C3orf20: variants seen among roughly 807,000 people sequenced by gnomAD.
The protein encoded by C3orf20 is uncharacterized protein C3orf20.
Under a neutral mutation model 88.3 loss-of-function variants are expected in C3orf20, and 76 were observed. That is an observed-to-expected ratio of 0.86 (90% CI 0.72 to 1.04). The LOEUF (loss-of-function observed/expected upper bound fraction) is 1.04, where lower values mean the gene tolerates loss of function less well. Ranked by LOEUF, C3orf20 falls within the 50% of genes least tolerant of loss-of-function variation. C3orf20 has a pLI of 0.00. For synonymous variants in C3orf20, 436 were observed against 437.4 expected (o/e 1.00, Z 0.04); for missense variants, 1,056 against 1,123.3 (o/e 0.94, Z 0.86).
chr3:14,730,766 A>T (rs2034519349), intron 12 of C3orf20, among the ~76,000 whole-genome samples: 2 of 152,164 alleles, frequency 1.3e-5, no homozygotes, highest in Non-Finnish European at 2.9e-5. Context: ...TCCCACCAGC[A>T]GTGTGTCTGA....
intron 5 of C3orf20, among the ~76,000 whole-genome samples, chr3:14,691,462 T>C (rs774787072): frequency 6.6e-6 from 1 of 152,208 alleles, no homozygotes; most frequent in Non-Finnish European, 1.5e-5. Context: ...GGGTGATGTC[T>C]TGAGCAAGGC....
In C3orf20 at chr3:14,701,037, G is replaced by C. The variant is rs1434714260; in HGVS notation, c.746-2093G>C. 1.3e-5 allele frequency among the ~76,000 whole-genome samples: 2 copies of C among 152,212 alleles called. No homozygotes were observed. Among genetic ancestry groups the C allele is most frequent in the African/African-American group, 4.8e-5 (2 of 41,452 alleles). On this transcript the variant is annotated intron_variant, in intron 5 of 16. Coordinates refer to ENST00000253697, the MANE Select transcript of C3orf20 (RefSeq NM_032137.5). The surrounding 1 kb of genome is among the most constrained non-coding windows in gnomAD (Gnocchi z 4.6). ...ATAGCAGTTCCTAGTCAGAGCAAGA[G>C]ACCGTCACCTTTGGGGAGCCCAAGG...
intron 12 of C3orf20, among the ~76,000 whole-genome samples, chr3:14,735,812 C>G (rs1392060509): frequency 6.6e-6 from 1 of 152,100 alleles, no homozygotes; most frequent in Non-Finnish European, 1.5e-5. Flanking sequence ...CCAGGCTGGT[C>G]TTGAACTCCT....
intron 7 of C3orf20, among the ~76,000 whole-genome samples, chr3:14,706,221 A>G (rs1350556491): frequency 6.6e-6 from 1 of 152,092 alleles, no homozygotes; most frequent in East Asian, 1.9e-4. Context: ...TGTTTCTCAG[A>G]CCGTATATGA....
intron 12 of C3orf20, among the ~76,000 whole-genome samples, chr3:14,751,742 G>A (rs2035225156): frequency 1.3e-5 from 2 of 152,036 alleles, no homozygotes; most frequent in Non-Finnish European, 2.9e-5. Flanking sequence ...TTACTACCAA[G>A]AGAATAAAAC....
chr3:14,675,746 G>A (rs1256690782), intron 1 of C3orf20, among the ~76,000 whole-genome samples: 1 of 151,922 alleles, frequency 6.6e-6, no homozygotes, highest in Non-Finnish European at 1.5e-5. Flanking sequence ...CTGCTGCCTA[G>A]GCTGGAGTGC....
chr3:14,770,297 T>C (rs1026721851), intron 15 of C3orf20, among the ~76,000 whole-genome samples: 2 of 152,160 alleles, frequency 1.3e-5, no homozygotes, highest in Non-Finnish European at 1.5e-5. Context: ...AGGCGTTAAT[T>C]TGCCACATGT....
At chr3:14,719,616 T>A (rs748583180) in intron 9 of C3orf20, among the ~76,000 whole-genome samples, 1 of 152,158 alleles carries the variant, frequency 6.6e-6, no homozygotes, top group Non-Finnish European at 1.5e-5. Context: ...ATAATGGATA[T>A]AATGGGCTGG....
chr3:14,690,425 C>T (rs554963720), intron 5 of C3orf20, among the ~76,000 whole-genome samples: 36 of 152,328 alleles, frequency 2.4e-4, no homozygotes, highest in African/African-American at 7.9e-4. Flanking sequence ...TCTTCTATCC[C>T]TACAGTATCC....
intron 13 of C3orf20, among the ~76,000 whole-genome samples, chr3:14,759,434 T>C (rs2035489671): frequency 6.6e-6 from 1 of 152,178 alleles, no homozygotes; most frequent in African/African-American, 2.4e-5. Context: ...TCCCTGGATA[T>C]AGTGACTGGG....
rs769712584 is a variant in C3orf20, at chr3:14,703,177, G to C, written c.793G>C (p.Gly265Arg). The C allele has an allele frequency of 1.4e-5, 23 of 1,614,186 alleles. No homozygotes were observed. Among genetic ancestry groups the C allele is most frequent in the Non-Finnish European group, 1.8e-5 (21 of 1,180,028 alleles). Reference sequence around the variant, plus strand: ...TGTCAGCATGCCGCCCCTGCATCGAGGAGTGGGAACCCCTGCCAACAGCCT... The same window carrying C: ...TGTCAGCATGCCGCCCCTGCATCGACGAGTGGGAACCCCTGCCAACAGCCT... ...EDVSMPPLHR[G>R]VGTPANSLEF... is the part of the protein sequence containing the mutation. The change falls in exon 6 of 17, where the codon GGA (glycine) becomes CGA (arginine). Residue 265 changes from glycine (G) to arginine (R), a missense_variant. Gly to Arg is a moderately radical substitution (Grantham distance 125). Transcript: ENST00000253697.
At chr3:14,704,781 G>C (rs917796742) in intron 7 of C3orf20, among the ~76,000 whole-genome samples, 163 bp downstream of exon 7, 1 of 152,182 alleles carries the variant, frequency 6.6e-6, no homozygotes, top group South Asian at 2.1e-4. Context: ...GACTCAGGAG[G>C]TCAGAGGAGG....
In C3orf20 at chr3:14,730,460, TG is replaced by T. The variant is rs368001938; in HGVS notation, c.1940+1774del. Reference sequence around the variant, plus strand: ...TACTCGGGAGGCTGAGGCAGGAGAATGGCGTGAACCCAGGAGGCGGAGCTTG... The same window carrying T: ...TACTCGGGAGGCTGAGGCAGGAGAATGCGTGAACCCAGGAGGCGGAGCTTG... On this transcript the variant is annotated intron_variant, in intron 12 of 16. Transcript: ENST00000253697. Among the ~76,000 whole-genome samples, 355 of 152,142 alleles carry T rather than the reference TG, an allele frequency of 2.3e-3. 17 individuals are homozygous for T. In the East Asian group the frequency reaches 0.062, roughly 26 times the overall value.
intron 12 of C3orf20, among the ~76,000 whole-genome samples, chr3:14,733,820 C>A (rs957702285): frequency 6.6e-6 from 1 of 152,052 alleles, no homozygotes; most frequent in Non-Finnish European, 1.5e-5. Context: ...TCCCGAGTAG[C>A]TGCAATTACA....
At chr3:14,719,373 G>C (rs1404431067) in intron 9 of C3orf20, among the ~76,000 whole-genome samples, 2 of 152,092 alleles carry the variant, frequency 1.3e-5, no homozygotes, top group Non-Finnish European at 2.9e-5. Context: ...TTTTTTAAAG[G>C]GGTCATTTCA....
At chr3:14,685,353 G>T (rs927962085) in intron 4 of C3orf20, among the ~76,000 whole-genome samples, 1 of 152,090 alleles carries the variant, frequency 6.6e-6, no homozygotes, top group Admixed American at 6.5e-5. Context: ...GTGATCTCTG[G>T]GGAGAGAGAA....
chr3:14,759,585 G>A (rs532397466), intron 13 of C3orf20, among the ~76,000 whole-genome samples: 4 of 152,334 alleles, frequency 2.6e-5, no homozygotes, highest in Admixed American at 1.3e-4. Flanking sequence ...TACCTCCAGG[G>A]CAAGGGAGCA....
At chr3:14,741,234 C>T (rs1474867523) in intron 12 of C3orf20, among the ~76,000 whole-genome samples, 2 of 152,068 alleles carry the variant, frequency 1.3e-5, no homozygotes, top group Non-Finnish European at 2.9e-5. Context: ...ATAGATATAG[C>T]TCTTCGGGTC....
intron 9 of C3orf20, among the ~76,000 whole-genome samples, chr3:14,720,995 C>T (rs1028693763): frequency 6.6e-6 from 1 of 152,198 alleles, no homozygotes; most frequent in Non-Finnish European, 1.5e-5. Context: ...ATAAGGGCAA[C>T]TCACTCTCCC....
Sources: gnomAD v4.1 joint callset for allele counts (sites outside exome capture counted in the v4.1 genomes callset) on GRCh38, gnomAD v4.1.1 for gene constraint, Gnocchi (gnomAD v3.1) non-coding constraint, MANE v1.5 for transcripts, NCBI Gene and HGNC (gene_info 2026-07-23, HGNC 2026-07-21) for gene names.